Variants in GLMN observed in about 807,000 individuals in gnomAD.
The protein encoded by GLMN is glomulin, FKBP associated protein.
GLMN carries 75 observed loss-of-function variants against 87.8 expected under a neutral mutation model. That is an observed-to-expected ratio of 0.85 (90% CI 0.71 to 1.04). GLMN has a LOEUF of 1.04. GLMN is among the 50% of genes least tolerant of loss of function. GLMN has a pLI of 0.00. For synonymous variants in GLMN, 206 were observed against 221.6 expected (o/e 0.93, Z 0.63); for missense variants, 588 against 658.8 (o/e 0.89, Z 1.18).
chr1:92,278,390 C>T (rs925706063), intron 7 of GLMN, among the ~76,000 whole-genome samples: 6 of 152,182 alleles, frequency 3.9e-5, no homozygotes, highest in Non-Finnish European at 8.8e-5. Context: ...AGCCTCTTCA[C>T]TATTATCGTG....
intron 16 of GLMN, among the ~76,000 whole-genome samples, chr1:92,257,605 C>T (rs1388440384): frequency 2.6e-5 from 4 of 152,026 alleles, no homozygotes; most frequent in African/African-American, 9.7e-5. Flanking sequence ...CATCTACAAC[C>T]ATCTGATCTT....
At chr1:92,313,457 T>TG in the GLMN span, among the ~76,000 whole-genome samples, 1 of 151,576 alleles carries the variant, frequency 6.6e-6, no homozygotes, top group Non-Finnish European at 1.5e-5. Flanking sequence ...TTTTTTTTTT[T>TG]GAGCAGTAGG....
intron 16 of GLMN, among the ~76,000 whole-genome samples, chr1:92,256,080 C>G (rs1334702423): frequency 3.9e-5 from 6 of 152,098 alleles, no homozygotes; most frequent in African/African-American, 1.4e-4. Context: ...CACCACTGAT[C>G]CCACAGAAAT....
At chr1:92,352,211 G>A in the GLMN span, among the ~76,000 whole-genome samples, 2,119 of 152,292 alleles carry the variant, frequency 0.014, 48 homozygotes, top group African/African-American at 0.047. Flanking sequence ...CCATACAATA[G>A]TTTATTCTCT....
intron 7 of GLMN, among the ~76,000 whole-genome samples, chr1:92,283,913 G>A (rs1218196202): frequency 6.6e-6 from 1 of 152,066 alleles, no homozygotes; most frequent in Non-Finnish European, 1.5e-5. Context: ...CAACTTACAC[G>A]GGATGTGAAG....
chr1:92,321,811 A>G, the GLMN span, among the ~76,000 whole-genome samples: 122 of 151,734 alleles, frequency 8.0e-4, 1 homozygote, highest in East Asian at 0.02. Context: ...ATTCTGTAGA[A>G]TTTTCTGTAC....
chr1:92,344,670 A>G, the GLMN span, among the ~76,000 whole-genome samples: 3 of 152,154 alleles, frequency 2.0e-5, no homozygotes, highest in South Asian at 6.2e-4. Context: ...ACTTTATTAG[A>G]TATTGCCAAA....
chr1:92,302,031 A>T (rs1650889956), upstream of GLMN, among the ~76,000 whole-genome samples: 1 of 152,238 alleles, frequency 6.6e-6, no homozygotes, highest in African/African-American at 2.4e-5. Flanking sequence ...ATGTAATCCC[A>T]GCACTTTGGG....
chr1:92,299,158 G>C (rs1650580421), upstream of GLMN: 2 of 1,486,838 alleles, frequency 1.3e-6, no homozygotes, highest in African/African-American at 2.9e-5. Flanking sequence ...TAGGAGCAAG[G>C]ATCTCTTCCC....
In GLMN at chr1:92,297,964, T is replaced by A. The variant is rs772101079; in HGVS notation, c.36A>T (p.Arg12Ser). The change falls in exon 2 of 19, where the codon AGA (arginine) becomes AGT (serine). Residue 12 changes from arginine to serine, a missense_variant. Physicochemically the swap from Arg to Ser is moderately radical, Grantham distance 110 (BLOSUM62 -1). Coordinates refer to ENST00000370360, the MANE Select transcript of GLMN (RefSeq NM_053274.3). ...AVEELQSIIK[R>S]CQILEEQDFK... ...TTTTACAAAAATTAATACTTACACA[T>A]CTCTTTATTATAGACTGAAGTTCCT... 6.4e-6 allele frequency: 9 copies of A among 1,410,326 alleles called. No individual in the cohort carries two copies. In the East Asian group the frequency reaches 2.1e-4, roughly 32 times the overall value. The allele number at this position is 1,410,326 out of a possible 1,614,324, so 87.4% of individuals were successfully genotyped here.
chr1:92,308,671 A>G, the GLMN span, among the ~76,000 whole-genome samples: 1 of 152,206 alleles, frequency 6.6e-6, no homozygotes, highest in African/African-American at 2.4e-5. Context: ...TTTAAAACAA[A>G]TCTTCCAGCC....
intron 17 of GLMN, among the ~76,000 whole-genome samples, chr1:92,247,599 T>C (rs1349924241): frequency 6.6e-6 from 1 of 152,192 alleles, no homozygotes; most frequent in Non-Finnish European, 1.5e-5. Context: ...GACCCAGCAA[T>C]ACCAAAGGAA....
chr1:92,332,263 T>C, the GLMN span, among the ~76,000 whole-genome samples: 1 of 152,116 alleles, frequency 6.6e-6, no homozygotes, highest in Non-Finnish European at 1.5e-5. Flanking sequence ...GTCTCCCCAT[T>C]AGTTCTTACT....
chr1:92,360,819 T>TA, the GLMN span, among the ~76,000 whole-genome samples: 1 of 151,748 alleles, frequency 6.6e-6, no homozygotes, highest in Non-Finnish European at 1.5e-5. Flanking sequence ...TCATTACTGT[T>TA]ACATTCATTA....
At chr1:92,320,696 G>A in the GLMN span, 1 of 1,352,102 alleles carries the variant, frequency 7.4e-7, no homozygotes, top group South Asian at 1.2e-5. Flanking sequence ...CATTAGGAGT[G>A]AACCAGGTGA....
chr1:92,263,777 A>T (rs746313485), intron 14 of GLMN, 45 bp from the exon 15 acceptor site: 3 of 911,114 alleles, frequency 3.3e-6, no homozygotes, highest in Non-Finnish European at 5.6e-6. Context: ...AATTCATGTA[A>T]TTCATGTGTT....
At chr1:92,267,618 G>GGAAT (rs992393086) in intron 11 of GLMN, among the ~76,000 whole-genome samples, 12 of 151,938 alleles carry the variant, frequency 7.9e-5, no homozygotes, top group African/African-American at 2.9e-4. Flanking sequence ...GCAGGAGAAT[G>GGAAT]GAATGAACCC....
intron 16 of GLMN, among the ~76,000 whole-genome samples, chr1:92,257,567 G>C (rs748124294): frequency 1.6e-4 from 24 of 152,114 alleles, no homozygotes; most frequent in Non-Finnish European, 3.4e-4. Context: ...CAATGGAACA[G>C]AACAGAGGCC....
intron 16 of GLMN, among the ~76,000 whole-genome samples, chr1:92,259,388 G>T (rs1171680465): frequency 6.6e-6 from 1 of 152,188 alleles, no homozygotes; most frequent in Middle Eastern, 3.4e-3. Flanking sequence ...GTAAGAGAAG[G>T]TGCCTGAAAC....
Sources: gnomAD v4.1 joint callset for allele counts (sites outside exome capture counted in the v4.1 genomes callset) on GRCh38, gnomAD v4.1.1 for gene constraint, MANE v1.5 for transcripts, NCBI Gene and HGNC (gene_info 2026-07-23, HGNC 2026-07-21) for gene names.